The following BTRC variants were observed in gnomAD, a reference collection of about 807,000 sequenced individuals.
BTRC encodes the protein F-box/WD repeat-containing protein 1A.
Under a neutral mutation model 85.5 loss-of-function variants are expected in BTRC, and 42 were observed. The ratio of observed to expected loss-of-function variants is 0.49; its 90% CI spans 0.38 to 0.64. The LOEUF (loss-of-function observed/expected upper bound fraction) is 0.64. BTRC is among the 30% of genes least tolerant of loss of function. The probability of loss-of-function intolerance (pLI) is 0.00; values close to 1 mark genes in which losing one functional copy is unlikely to be tolerated. For missense variants in BTRC, 594 were observed against 743.5 expected, an observed-to-expected ratio of 0.80 and a Z score of 2.34; for synonymous variants, 255 against 263.3, an observed-to-expected ratio of 0.97 and a Z score of 0.30.
rs572084090 is a variant in BTRC at position 101,512,056 on chromosome 10, C to A, written c.325-9583C>A. 2.8e-4 allele frequency among the ~76,000 whole-genome samples: 42 copies of A among 152,322 alleles called. No individual in the cohort carries two copies. In the East Asian group the frequency reaches 7.1e-3, roughly 26 times the overall value. ...TTTCTCCACTCCTCTTCAGAGAAGG[C>A]AAAGACACTTTGTATGCCTGTTCAC... On this transcript the variant is annotated intron_variant, in intron 4 of 14. Coordinates refer to ENST00000370187, the MANE Select transcript of BTRC (RefSeq NM_033637.4).
intron 4 of BTRC, among the ~76,000 whole-genome samples, chr10:101,511,003 G>C (rs965807057): frequency 1.3e-5 from 2 of 151,992 alleles, no homozygotes; most frequent in African/African-American, 4.8e-5. Context: ...TCCAGCCCCT[G>C]CTCCATTCTC....
In BTRC at chr10:101,429,977, T is replaced by C. The variant is rs1410910116; in HGVS notation, c.49-368T>C. The stretch of plus-strand genomic sequence containing the variant: ...TCTTTCTGCTTAGTCTGCACAGTAT[T>C]ACACCCTGTGGTGAGTTTATGGGAG... On this transcript the variant is annotated intron_variant, in intron 1 of 14. Coordinates refer to ENST00000370187, the MANE Select transcript of BTRC (RefSeq NM_033637.4). 3.9e-5 allele frequency among the ~76,000 whole-genome samples: 6 copies of C among 152,132 alleles called. No individual in the cohort carries two copies. In the East Asian group the frequency reaches 9.6e-4, roughly 24 times the overall value.
chr10:101,385,366 C>CAAAAAAA (rs10718968), intron 1 of BTRC, among the ~76,000 whole-genome samples: 2 of 82,912 alleles, frequency 2.4e-5, no homozygotes, highest in African/African-American at 4.3e-5. Flanking sequence ...GACTCTGTCT[C>CAAAAAAA]AAAAAAAAAA....
chr10:101,554,705 C>T lies in BTRC; in HGVS notation c.*1582C>T, dbSNP rs112951928. 2,678 of 152,730 alleles carry T rather than the reference C, an allele frequency of 0.018. 76 individuals are homozygous for T. The highest frequency in any genetic ancestry group is 0.063 in the East Asian group (327 of 5,178). The allele number at this position is 152,730 out of a possible 1,614,324, so 9.5% of individuals were successfully genotyped here. A position where few individuals can be genotyped will look rare whatever the true frequency, so the allele number is the denominator to read the frequency against. On this transcript the variant is annotated 3_prime_UTR_variant, in exon 15 of 15. Coordinates refer to ENST00000370187, the MANE Select transcript of BTRC (RefSeq NM_033637.4). ...GTGAACAGCATAAACAGCTGGACCT[C>T]AGCAAGGGTCAGGCAAACCCAGTCA... is the stretch of plus-strand genomic sequence containing the variant.
chr10:101,389,086 T>G (rs1044267346), intron 1 of BTRC, among the ~76,000 whole-genome samples: 4 of 149,050 alleles, frequency 2.7e-5, no homozygotes, highest in African/African-American at 7.3e-5. Context: ...GATTATCCAC[T>G]TGAATGTTGC....
At chr10:101,507,230 A>G (rs373658441) in intron 4 of BTRC, among the ~76,000 whole-genome samples, 65 of 152,330 alleles carry the variant, frequency 4.3e-4, no homozygotes, top group African/African-American at 1.4e-3. Context: ...TCTTTTAAAT[A>G]TAAGTAACAC....
At chr10:101,356,604 T>G (rs1190899039) in intron 1 of BTRC, among the ~76,000 whole-genome samples, 1 of 152,224 alleles carries the variant, frequency 6.6e-6, no homozygotes, top group Non-Finnish European at 1.5e-5. Flanking sequence ...CTTTTAATTT[T>G]AGTTACTTTC....
At chr10:101,478,606 C>T (rs1308614642) in intron 3 of BTRC, among the ~76,000 whole-genome samples, 3 of 151,368 alleles carry the variant, frequency 2.0e-5, no homozygotes, top group Non-Finnish European at 2.9e-5. Context: ...GTTTAGGCAA[C>T]ATGGCAAAAC....
At chr10:101,361,389 T>C (rs2134477188) in intron 1 of BTRC, among the ~76,000 whole-genome samples, 1 of 152,318 alleles carries the variant, frequency 6.6e-6, no homozygotes, top group African/African-American at 2.4e-5. Context: ...TACAGGCATG[T>C]GCCACCGCAC....
intron 3 of BTRC, among the ~76,000 whole-genome samples, chr10:101,473,747 T>C: frequency 6.6e-6 from 1 of 151,832 alleles, no homozygotes; most frequent in Non-Finnish European, 1.5e-5. Context: ...TAGGTGTAAG[T>C]CACTGGGCCT....
At chr10:101,438,592 C>T (rs539129955) in intron 2 of BTRC, among the ~76,000 whole-genome samples, 38 of 151,884 alleles carry the variant, frequency 2.5e-4, no homozygotes, top group Non-Finnish European at 4.9e-4. Context: ...AAAGAAAGTA[C>T]ATAATTAGTT....
intron 1 of BTRC, among the ~76,000 whole-genome samples, chr10:101,408,961 A>G (rs1434144125): frequency 1.3e-5 from 2 of 152,216 alleles, no homozygotes; most frequent in Non-Finnish European, 2.9e-5. Context: ...AGGCAGGGCA[A>G]TCGCTTGAAC....
At chr10:101,496,565 T>C (rs1024212188) in intron 4 of BTRC, among the ~76,000 whole-genome samples, 4 of 152,124 alleles carry the variant, frequency 2.6e-5, no homozygotes, top group African/African-American at 9.7e-5. Flanking sequence ...ACTGACTTTT[T>C]TTAAAATTGC....
rs1182609105 is a variant in BTRC at position 101,394,591 on chromosome 10, G to A, written c.49-35754G>A. 2.0e-5 allele frequency among the ~76,000 whole-genome samples: 3 copies of A among 152,274 alleles called. No homozygotes were observed. The East Asian group carries it at 5.8e-4, about 29-fold the overall frequency. On this transcript the variant is annotated intron_variant, in intron 1 of 14. Coordinates refer to ENST00000370187, the MANE Select transcript of BTRC (RefSeq NM_033637.4). ...ATAGTCACAGACTGACTAGTAATGA[G>A]TAAAACAAAAGCAAACTGCCTCTTA...
intron 2 of BTRC, among the ~76,000 whole-genome samples, chr10:101,442,211 A>G (rs910640902): frequency 1.3e-5 from 2 of 151,534 alleles, no homozygotes; most frequent in Non-Finnish European, 2.9e-5. Flanking sequence ...TCCACAATGC[A>G]CTAATTGAAT....
intron 1 of BTRC, among the ~76,000 whole-genome samples, chr10:101,415,561 G>T (rs1943921278): frequency 2.9e-5 from 4 of 135,780 alleles, no homozygotes; most frequent in Non-Finnish European, 3.1e-5. Flanking sequence ...GTTATTTTGA[G>T]ACAGAGTTTC....
chr10:101,534,595 T>C, intron 9 of BTRC, 66 bp from the exon 10 acceptor site: 1 of 1,594,400 alleles, frequency 6.3e-7, no homozygotes, highest in Non-Finnish European at 8.6e-7. Context: ...GAAGGGCGCA[T>C]GATGGTCAAA....
At chr10:101,365,288 G>A (rs1942336558) in intron 1 of BTRC, among the ~76,000 whole-genome samples, 2 of 150,716 alleles carry the variant, frequency 1.3e-5, no homozygotes. Context: ...GGCCAGGCTG[G>A]TCTTGAACTC....
chr10:101,443,105 A>G (rs1052598549), intron 2 of BTRC, among the ~76,000 whole-genome samples: 1 of 151,950 alleles, frequency 6.6e-6, no homozygotes, highest in African/African-American at 2.4e-5. Flanking sequence ...GATGGTCTGG[A>G]TCTCCTGACC....
Sources: gnomAD v4.1 joint callset for allele counts (sites outside exome capture counted in the v4.1 genomes callset) on GRCh38, gnomAD v4.1.1 for gene constraint, MANE v1.5 for transcripts, NCBI Gene and HGNC (gene_info 2026-07-23, HGNC 2026-07-21) for gene names.